Variants in TYR observed in about 807,000 individuals in gnomAD.
TYR encodes tyrosinase, also known as LB24-AB.
Under a neutral mutation model 51.5 loss-of-function variants are expected in TYR, and 58 were observed. That is an observed-to-expected ratio of 1.13 (90% CI 0.91 to 1.40). The LOEUF is 1.40. Ranked by LOEUF, TYR falls within the 40% of genes most tolerant of loss-of-function variation. TYR has a pLI of 0.00. For missense variants in TYR, 732 were observed against 647.4 expected (o/e 1.13, Z -1.42); for synonymous variants, 263 against 235.2 (o/e 1.12, Z -1.08).
chr11:89,236,608 T>C (rs577919582), intron 3 of TYR, among the ~76,000 whole-genome samples: 8 of 152,316 alleles, frequency 5.3e-5, no homozygotes, highest in Admixed American at 2.6e-4. Flanking sequence ...CCACAGAATA[T>C]TGTGTGGCAT....
At chr11:89,202,271 G>A (rs894627356) in intron 2 of TYR, among the ~76,000 whole-genome samples, 1 of 152,058 alleles carries the variant, frequency 6.6e-6, no homozygotes, top group African/African-American at 2.4e-5. Context: ...GGTGGCTGTT[G>A]AGGTTGTCTA....
chr11:89,208,452 T>C (rs1943703443), intron 2 of TYR, among the ~76,000 whole-genome samples: 1 of 152,180 alleles, frequency 6.6e-6, no homozygotes, highest in African/African-American at 2.4e-5. Flanking sequence ...AACCAATGTG[T>C]AACATCATCC....
Position 89,191,362 on chromosome 11 carries a change from A to G in TYR, c.980A>G (p.Tyr327Cys), listed in dbSNP as rs1031268531. The G allele has an allele frequency of 5.0e-6, 8 of 1,613,660 alleles. No individual in the cohort carries two copies. In the African/African-American group the frequency reaches 8.0e-5, roughly 16 times the overall value. Residue 327 changes from tyrosine to cysteine, a missense_variant, in exon 2 of 5, where the codon TAT becomes TGT. Tyr to Cys is a radical substitution (Grantham distance 194). Coordinates refer to ENST00000263321, the MANE Select transcript of TYR (RefSeq NM_000372.5). ...DVEFCLSLTQYESGSMDKAAN... is the reference protein window; with the variant it reads ...DVEFCLSLTQCESGSMDKAAN... Reference sequence around the variant, plus strand: ...GAATTTTGCCTGAGTTTGACCCAATATGAATCTGGTTCCATGGATAAAGCT... The same window carrying G: ...GAATTTTGCCTGAGTTTGACCCAATGTGAATCTGGTTCCATGGATAAAGCT...
In TYR at chr11:89,191,351, T is replaced by C. The variant is rs780571234; in HGVS notation, c.969T>C (p.Ser323=). 1 of 1,613,794 alleles carries C rather than the reference T, an allele frequency of 6.2e-7. No homozygotes were observed. The change falls in exon 2 of 5, where the codon AGT becomes AGC. Residue 323 remains serine, a synonymous_variant. Transcript: ENST00000263321. The stretch of plus-strand genomic sequence containing the variant: ...CAGCTGATGTAGAATTTTGCCTGAG[T>C]TTGACCCAATATGAATCTGGTTCCA... ...PSSADVEFCL[S]LTQYESGSMD...
chr11:89,289,606 C>G (rs1352689663), intron 4 of TYR, among the ~76,000 whole-genome samples: 1 of 152,000 alleles, frequency 6.6e-6, no homozygotes, highest in African/African-American at 2.4e-5. Flanking sequence ...CCCCCCAACT[C>G]CCCGCCTACA....
chr11:89,254,117 T>A (rs1057486776), intron 3 of TYR, among the ~76,000 whole-genome samples: 3 of 151,864 alleles, frequency 2.0e-5, no homozygotes, highest in Admixed American at 6.6e-5. Flanking sequence ...GTTTATGTGG[T>A]ATATCACATT....
intron 3 of TYR, among the ~76,000 whole-genome samples, chr11:89,281,015 T>C (rs1282343235): frequency 4.0e-5 from 6 of 151,772 alleles, no homozygotes; most frequent in Non-Finnish European, 8.8e-5. Flanking sequence ...TGGAGATTTG[T>C]TGGATGCTGG....
At chr11:89,193,329 CAA>C (rs1728750315) in intron 2 of TYR, among the ~76,000 whole-genome samples, 1 of 151,682 alleles carries the variant, frequency 6.6e-6, no homozygotes, top group African/African-American at 2.4e-5. Context: ...GGTCTCAAGT[CAA>C]AGAAAAAAAG....
chr11:89,208,031 G>A lies in TYR; in HGVS notation c.1036+16613G>A, dbSNP rs1447101438. Among the ~76,000 whole-genome samples the A allele has an allele frequency of 4.6e-5, 7 of 152,158 alleles. No individual in the cohort carries two copies. The South Asian group carries it at 6.2e-4, about 14-fold the overall frequency. On this transcript the variant is annotated intron_variant, in intron 2 of 4. Coordinates refer to ENST00000263321, the MANE Select transcript of TYR (RefSeq NM_000372.5). ...CGCCTGTAATCCCAGCACTTTGGGAGGCCAAGGCGGGGGGATCACGAAGTC... is the reference window on the plus strand; with the variant it reads ...CGCCTGTAATCCCAGCACTTTGGGAAGCCAAGGCGGGGGGATCACGAAGTC...
At chr11:89,271,531 T>C (rs1456699973) in intron 3 of TYR, among the ~76,000 whole-genome samples, 5 of 151,958 alleles carry the variant, frequency 3.3e-5, no homozygotes, top group Non-Finnish European at 7.4e-5. Flanking sequence ...GTGATCTTTT[T>C]TCTGGTAGGT....
intron 3 of TYR, among the ~76,000 whole-genome samples, chr11:89,272,026 T>A (rs772264707): frequency 1.3e-5 from 2 of 151,882 alleles, no homozygotes; most frequent in African/African-American, 4.8e-5. Context: ...TCCACTGAAG[T>A]CTTGAACCCC....
intron 3 of TYR, among the ~76,000 whole-genome samples, chr11:89,253,985 T>C (rs973702976): frequency 4.6e-5 from 7 of 151,946 alleles, no homozygotes; most frequent in African/African-American, 1.4e-4. Flanking sequence ...TTTTATTACA[T>C]TGAGGTATGT....
At chr11:89,190,796 A>T (rs889709060) in intron 1 of TYR, among the ~76,000 whole-genome samples, 11 of 151,678 alleles carry the variant, frequency 7.3e-5, no homozygotes, top group Admixed American at 1.3e-4. Flanking sequence ...TATGCCATTT[A>T]AAAAAAAATT....
At chr11:89,289,437 C>A (rs1328575845) in intron 4 of TYR, among the ~76,000 whole-genome samples, 1 of 151,998 alleles carries the variant, frequency 6.6e-6, no homozygotes, top group Non-Finnish European at 1.5e-5. Flanking sequence ...TTCTTTTACT[C>A]AGTGGGACAG....
chr11:89,190,642 A>G (rs978164991), intron 1 of TYR, among the ~76,000 whole-genome samples: 1 of 152,066 alleles, frequency 6.6e-6, no homozygotes, highest in Non-Finnish European at 1.5e-5. Context: ...TGTAGCCGAT[A>G]TATATATAGT....
In TYR at chr11:89,257,905, G is replaced by T. The variant is rs138824851; in HGVS notation, c.1185-26868G>T. On this transcript the variant is annotated intron_variant, in intron 3 of 4. Coordinates refer to ENST00000263321, the MANE Select transcript of TYR (RefSeq NM_000372.5). Reference sequence around the variant, plus strand: ...AAATGCTAAAAATTCCTCAAAGAAGGCCTTGAATTTCATGCATATAGTCTT... The same window carrying T: ...AAATGCTAAAAATTCCTCAAAGAAGTCCTTGAATTTCATGCATATAGTCTT... Among the ~76,000 whole-genome samples, 17 of 151,988 alleles carry T rather than the reference G, an allele frequency of 1.1e-4. No homozygotes were observed. The East Asian group carries it at 3.1e-3, about 28-fold the overall frequency.
intron 3 of TYR, among the ~76,000 whole-genome samples, chr11:89,268,160 G>A (rs571516042): frequency 3.0e-4 from 45 of 151,964 alleles, no homozygotes; most frequent in African/African-American, 7.7e-4. Context: ...GTATAACATA[G>A]CTCATAGGGT....
At chr11:89,282,611 A>C (rs969985623) in intron 3 of TYR, among the ~76,000 whole-genome samples, 21 of 151,952 alleles carry the variant, frequency 1.4e-4, no homozygotes, top group Admixed American at 1.4e-3. Flanking sequence ...AAACCATAAA[A>C]GTTAAAACAA....
Position 89,280,638 on chromosome 11 carries a change from T to C in TYR, c.1185-4135T>C, listed in dbSNP as rs71469248. Among the ~76,000 whole-genome samples the C allele has an allele frequency of 8.4e-3, 1,268 of 151,676 alleles. 11 individuals carry two copies. The highest frequency in any genetic ancestry group is 0.027 in the Middle Eastern group (8 of 294). The stretch of plus-strand genomic sequence containing the variant: ...CAATTATTTCAGATTCTATGTCTCA[T>C]AGTTCCAAAATTTATATCATATCTA... On this transcript the variant is annotated intron_variant, in intron 3 of 4. Transcript: ENST00000263321.
Sources: gnomAD v4.1 joint callset for allele counts (sites outside exome capture counted in the v4.1 genomes callset) on GRCh38, gnomAD v4.1.1 for gene constraint, MANE v1.5 for transcripts, NCBI Gene and HGNC (gene_info 2026-07-23, HGNC 2026-07-21) for gene names.